LYST: variants seen among roughly 807,000 people sequenced by gnomAD.
LYST encodes lysosomal trafficking regulator.
Under a neutral mutation model 413.6 loss-of-function variants are expected in LYST, and 192 were observed. That is an observed-to-expected ratio of 0.46 (90% CI 0.41 to 0.52). LYST has a LOEUF of 0.52. Ranked by LOEUF, LYST falls within the 20% of genes least tolerant of loss-of-function variation. LYST has a pLI of 0.00. For missense variants in LYST, 3,815 were observed against 4,499.9 expected (o/e 0.85, Z 4.35); for synonymous variants, 1,525 against 1,567.3 (o/e 0.97, Z 0.64).
At chr1:235,669,390 A>C (rs895906282) in intron 50 of LYST, among the ~76,000 whole-genome samples, 1 of 152,240 alleles carries the variant, frequency 6.6e-6, no homozygotes, top group African/African-American at 2.4e-5. Flanking sequence ...GAACAAAAGG[A>C]CCAGAGGCTA....
intron 25 of LYST, among the ~76,000 whole-genome samples, chr1:235,753,771 T>C (rs1235372012): frequency 1.3e-5 from 2 of 152,220 alleles, no homozygotes; most frequent in Non-Finnish European, 2.9e-5. Flanking sequence ...CAAAAATATG[T>C]GGTGATATAT....
intron 10 of LYST, among the ~76,000 whole-genome samples, chr1:235,794,775 T>G (rs1671384123): frequency 6.6e-6 from 1 of 152,230 alleles, no homozygotes; most frequent in Non-Finnish European, 1.5e-5. Flanking sequence ...GACTTTATCC[T>G]GTACATAACA....
intron 14 of LYST, among the ~76,000 whole-genome samples, chr1:235,783,274 TG>T (rs1269132698): frequency 1.3e-5 from 2 of 151,896 alleles, no homozygotes; most frequent in African/African-American, 2.4e-5. Flanking sequence ...ACTATTTTAA[TG>T]TTTTTTTTTT....
At chr1:235,732,056 G>A (rs1472491067) in intron 34 of LYST, among the ~76,000 whole-genome samples, 5 of 151,646 alleles carry the variant, frequency 3.3e-5, no homozygotes, top group Admixed American at 1.3e-4. Flanking sequence ...TACTGGTAGC[G>A]GTTGTTGTCT....
chr1:235,849,998 T>C (rs1006301770), intron 1 of LYST, among the ~76,000 whole-genome samples: 3 of 151,744 alleles, frequency 2.0e-5, no homozygotes, highest in Non-Finnish European at 4.4e-5. Context: ...AATACCACTA[T>C]CATTCTTCAC....
intron 42 of LYST, chr1:235,712,896 A>G: frequency 1.0e-6 from 1 of 985,066 alleles, no homozygotes; most frequent in Non-Finnish European, 1.2e-6. Context: ...TTCTAGCCAT[A>G]GGGAAAGGCC....
rs1469503129 is a variant in LYST at position 235,782,143 on chromosome 1, G to T, written c.4863-56C>A. ...ATGACTTTAGGAAGTCTAGTACTAA[G>T]TATTTTTAAAGTATGAATATTTAAC... On this transcript the variant is annotated intron_variant, in intron 14 of 52. Coordinates refer to ENST00000389793, the MANE Select transcript of LYST (RefSeq NM_000081.4). The T allele has an allele frequency of 1.4e-5, 19 of 1,366,920 alleles. No individual in the cohort carries two copies. In the East Asian group the frequency reaches 3.0e-4, roughly 21 times the overall value. 84.7% of individuals were successfully genotyped at this position (1,366,920 alleles called of 1,614,324 possible).
upstream of LYST, among the ~76,000 whole-genome samples, chr1:235,869,284 A>T (rs901646858): frequency 6.6e-6 from 1 of 152,250 alleles, no homozygotes; most frequent in Non-Finnish European, 1.5e-5. Flanking sequence ...CATCCTGGCT[A>T]ACACGGTGAA....
At chr1:235,717,678 C>T (rs1471872180) in intron 40 of LYST, among the ~76,000 whole-genome samples, 1 of 151,956 alleles carries the variant, frequency 6.6e-6, no homozygotes, top group Non-Finnish European at 1.5e-5. Context: ...TGAGTCAAAC[C>T]AGGTCTGCTT....
chr1:235,680,328 T>C (rs549563746), intron 48 of LYST, among the ~76,000 whole-genome samples: 1 of 152,292 alleles, frequency 6.6e-6, no homozygotes, highest in Non-Finnish European at 1.5e-5. Flanking sequence ...TGATTATAGC[T>C]CACTGTAGCC....
chr1:235,753,386 T>A (rs751597672), intron 25 of LYST, 112 bp from the exon 26 acceptor site: 7 of 711,596 alleles, frequency 9.8e-6, no homozygotes, highest in Non-Finnish European at 1.7e-5. Flanking sequence ...TAAAAACAAG[T>A]TGGGGGAGTA....
At position 235,804,386 on chromosome 1, in the gene LYST, T is replaced by C. The variant is rs1672578486; in HGVS notation, c.3555+118A>G. The C allele has an allele frequency of 1.1e-5, 9 of 820,666 alleles. No individual in the cohort carries two copies. In the Admixed American group the frequency reaches 1.6e-4, roughly 14 times the overall value. The allele number at this position is 820,666 out of a possible 1,614,324, so 50.8% of individuals were successfully genotyped here. A position where few individuals can be genotyped will look rare whatever the true frequency, so the allele number is the denominator to read the frequency against. ...GAGGAGATAAGATCCACTGAACTCA[T>C]CTGACCAAGTCCTAGTCCATATGCT... On this transcript the variant is annotated intron_variant, in intron 7 of 52. Transcript: ENST00000389793.
intron 20 of LYST, 124 bp downstream of exon 20, chr1:235,770,036 G>C (rs1394844757): frequency 7.3e-6 from 6 of 820,060 alleles, no homozygotes; most frequent in Non-Finnish European, 1.2e-5. Context: ...AAGAGAATCT[G>C]GAGAGAAGAT....
At position 235,808,936 on chromosome 1, in the gene LYST, T is replaced by A; in HGVS notation, c.1882A>T (p.Ile628Leu). 6.2e-7 allele frequency: 1 copy of A among 1,613,024 alleles called. No homozygotes were observed. Among genetic ancestry groups the A allele is most frequent in the Non-Finnish European group, 8.5e-7 (1 of 1,179,340 alleles). ...LILDQLGGAE[I>L]SPKIKKAACN... ...GCTGCTTTTTTAATTTTTGGTGATATCTCTGCTCCTCCTAACTGATCCAAA... is the reference window on the plus strand; with the variant it reads ...GCTGCTTTTTTAATTTTTGGTGATAACTCTGCTCCTCCTAACTGATCCAAA... Residue 628 changes from isoleucine (I) to leucine (L), a missense_variant, in exon 5 of 53, where the codon ATA becomes TTA. By Grantham distance (5) the Ile-to-Leu change is conservative (BLOSUM62 2). Coordinates refer to ENST00000389793, the MANE Select transcript of LYST (RefSeq NM_000081.4).
intron 1 of LYST, among the ~76,000 whole-genome samples, chr1:235,863,142 A>C (rs1277601640): frequency 2.0e-5 from 3 of 152,144 alleles, no homozygotes; most frequent in African/African-American, 7.2e-5. Context: ...CCTGTAATCC[A>C]GGCACAGTTG....
At chr1:235,771,283 G>A (rs28561614) in intron 19 of LYST, among the ~76,000 whole-genome samples, 4,156 of 152,176 alleles carry the variant, frequency 0.027, 171 homozygotes, top group African/African-American at 0.094. Context: ...AAAGAAAAAC[G>A]AGACTTAGTT....
intron 1 of LYST, among the ~76,000 whole-genome samples, chr1:235,855,567 T>C (rs1163195729): frequency 6.6e-6 from 1 of 152,212 alleles, no homozygotes; most frequent in Non-Finnish European, 1.5e-5. Context: ...ATAAGCATGA[T>C]AGTTTTCCAT....
intron 16 of LYST, 103 bp from the exon 17 acceptor site, chr1:235,777,411 TTTTC>T: frequency 1.0e-6 from 1 of 964,266 alleles, no homozygotes; most frequent in Non-Finnish European, 1.6e-6. Context: ...CAACTGATCC[TTTTC>T]TTTGTTTAAA....
chr1:235,715,450 C>G lies in LYST; in HGVS notation c.9628-93G>C, dbSNP rs111371207. On this transcript the variant is annotated intron_variant, in intron 41 of 52. Coordinates refer to ENST00000389793, the MANE Select transcript of LYST (RefSeq NM_000081.4). ...ATGTTTTTTTTTCTCTCCTTCTCTA[C>G]TACCCCTTTGAGGCCATTCTCCATG... 4.8e-4 allele frequency: 589 copies of G among 1,235,186 alleles called. 2 individuals are homozygous for G. In the African/African-American group the frequency reaches 7.9e-3, roughly 17 times the overall value. 76.5% of individuals were successfully genotyped at this position (1,235,186 alleles called of 1,614,324 possible). A position where few individuals can be genotyped will look rare whatever the true frequency, so the allele number is the denominator to read the frequency against.
Sources: allele counts gnomAD v4.1 joint callset (sites outside exome capture counted in the v4.1 genomes callset), GRCh38; gene constraint gnomAD v4.1.1; transcripts MANE v1.5; gene names NCBI Gene and HGNC (gene_info 2026-07-23, HGNC 2026-07-21).